IGF2BP3: variants seen among roughly 807,000 people sequenced by gnomAD.
IGF2BP3 encodes insulin-like growth factor 2 mRNA-binding protein 3.
A neutral mutation model predicts 73.8 loss-of-function variants in IGF2BP3; 9 were observed. That is an observed-to-expected ratio of 0.12 (90% CI 0.07 to 0.21). The LOEUF (loss-of-function observed/expected upper bound fraction) is 0.21, where lower values mean the gene tolerates loss of function less well. Among genes scored for constraint, IGF2BP3 ranks in the 10% least tolerant of loss-of-function variants. IGF2BP3 has a pLI of 1.00. For missense variants in IGF2BP3, 542 were observed against 714.0 expected, an observed-to-expected ratio of 0.76 and a Z score of 2.75; for synonymous variants, 258 against 256.7, an observed-to-expected ratio of 1.01 and a Z score of -0.05.
chr7:23,366,454 A>C (rs1434658239), intron 3 of IGF2BP3, among the ~76,000 whole-genome samples: 1 of 151,980 alleles, frequency 6.6e-6, no homozygotes, highest in African/African-American at 2.4e-5. Flanking sequence ...AGTCTTTAGA[A>C]AGATAACTAG....
chr7:23,336,685 C>T (rs973039204), intron 10 of IGF2BP3, among the ~76,000 whole-genome samples: 1 of 152,078 alleles, frequency 6.6e-6, no homozygotes, highest in Non-Finnish European at 1.5e-5. Flanking sequence ...CAGTGGCTCA[C>T]GTCTGTAATC....
intron 3 of IGF2BP3, among the ~76,000 whole-genome samples, chr7:23,375,472 A>G (rs1785689025): frequency 6.6e-6 from 1 of 152,202 alleles, no homozygotes; most frequent in South Asian, 2.1e-4. Context: ...TTTCGCCGCT[A>G]AAACAAAATG....
intron 2 of IGF2BP3, among the ~76,000 whole-genome samples, chr7:23,463,423 G>A (rs1029132545): frequency 6.6e-6 from 1 of 152,134 alleles, no homozygotes; most frequent in Non-Finnish European, 1.5e-5. Flanking sequence ...AAAAACAACA[G>A]AGCTACAGAA....
intron 3 of IGF2BP3, among the ~76,000 whole-genome samples, chr7:23,376,147 G>A (rs957081571): frequency 6.6e-6 from 1 of 152,186 alleles, no homozygotes; most frequent in Non-Finnish European, 1.5e-5. Flanking sequence ...AGGAATCACA[G>A]CTAACAGATG....
At chr7:23,455,009 T>C (rs1019387536) in intron 2 of IGF2BP3, among the ~76,000 whole-genome samples, 1 of 152,168 alleles carries the variant, frequency 6.6e-6, no homozygotes, top group African/African-American at 2.4e-5. Flanking sequence ...GTGAACTCCA[T>C]GAAATGTTTT....
At chr7:23,369,254 C>A (rs1459115163) in intron 3 of IGF2BP3, among the ~76,000 whole-genome samples, 1 of 152,102 alleles carries the variant, frequency 6.6e-6, no homozygotes, top group Non-Finnish European at 1.5e-5. Flanking sequence ...CGAGACAGGA[C>A]CAAATTAAGA....
At chr7:23,430,578 A>C (rs1562749374) in intron 2 of IGF2BP3, among the ~76,000 whole-genome samples, 2 of 152,200 alleles carry the variant, frequency 1.3e-5, no homozygotes, top group Non-Finnish European at 2.9e-5. Context: ...AGCCTGGCTA[A>C]TTTCAATATG....
chr7:23,369,906 C>T (rs1785493791), intron 3 of IGF2BP3, among the ~76,000 whole-genome samples: 1 of 152,164 alleles, frequency 6.6e-6, no homozygotes, highest in Non-Finnish European at 1.5e-5. Context: ...TGCATACCCA[C>T]TGCTCAAGTC....
At chr7:23,442,699 G>GT (rs71552231) in intron 2 of IGF2BP3, among the ~76,000 whole-genome samples, 17 of 151,898 alleles carry the variant, frequency 1.1e-4, no homozygotes, top group Non-Finnish European at 1.9e-4. Flanking sequence ...AGCCCAGTCT[G>GT]TTTTTTTCAT....
At chr7:23,321,413 G>C (rs1562669721) in intron 10 of IGF2BP3, among the ~76,000 whole-genome samples, 1 of 152,230 alleles carries the variant, frequency 6.6e-6, no homozygotes, top group Non-Finnish European at 1.5e-5. Context: ...ACCTGGCTCG[G>C]AGGGTCGTAC....
At chr7:23,317,573 C>T (rs374815725) in intron 12 of IGF2BP3, 66 bp downstream of exon 12, 30 of 1,190,160 alleles carry the variant, frequency 2.5e-5, no homozygotes, top group East Asian at 1.6e-4. Context: ...TTAAGGGAGA[C>T]GCCAGGTTAT....
At chr7:23,338,511 A>C (rs891634762) in intron 10 of IGF2BP3, among the ~76,000 whole-genome samples, 3 of 152,166 alleles carry the variant, frequency 2.0e-5, no homozygotes, top group Non-Finnish European at 2.9e-5. Flanking sequence ...AGTTCCTGAC[A>C]ATAAACGGGT....
rs1397361242 is a variant in IGF2BP3 at position 23,394,213 on chromosome 7, C to T, written c.285+24563G>A. 1.3e-5 allele frequency among the ~76,000 whole-genome samples: 2 copies of T among 152,156 alleles called. 1 individual carries two copies. Among genetic ancestry groups the T allele is most frequent in the Admixed American group, 1.3e-4 (2 of 15,278 alleles). On this transcript the variant is annotated intron_variant, in intron 3 of 14. Coordinates refer to ENST00000258729, the MANE Select transcript of IGF2BP3 (RefSeq NM_006547.3). ...ATTTATAATCAGCAAGACTTTTTAA[C>T]ACATCTACTTTGGCAGGCCAGGGCA...
intron 2 of IGF2BP3, among the ~76,000 whole-genome samples, chr7:23,445,133 C>T (rs1215090018): frequency 2.0e-5 from 3 of 152,162 alleles, no homozygotes; most frequent in Non-Finnish European, 4.4e-5. Flanking sequence ...AGCATACATT[C>T]ACAGATGCTC....
chr7:23,323,488 A>C (rs890496861), intron 10 of IGF2BP3, among the ~76,000 whole-genome samples: 1 of 146,190 alleles, frequency 6.8e-6, no homozygotes, highest in African/African-American at 2.6e-5. Flanking sequence ...TTAACACCCC[A>C]CTGTCAACAT....
rs150829390 is a variant in IGF2BP3 at position 23,335,142 on chromosome 7, G to A, written c.1203+6922C>T. On this transcript the variant is annotated intron_variant, in intron 10 of 14. Coordinates refer to ENST00000258729, the MANE Select transcript of IGF2BP3 (RefSeq NM_006547.3). ...ATAACTAGATAACCAAGGCTTCTCA[G>A]AGATAATAAATGTGCACAGTGAGTT... Among the ~76,000 whole-genome samples the A allele has an allele frequency of 7.8e-5, 11 of 141,474 alleles. No homozygotes were observed. In the East Asian group the frequency reaches 2.3e-3, roughly 29 times the overall value. 92.8% of individuals were successfully genotyped at this position (141,474 alleles called of 152,430 possible).
At chr7:23,332,819 C>T (rs141389336) in intron 10 of IGF2BP3, among the ~76,000 whole-genome samples, 1 of 152,266 alleles carries the variant, frequency 6.6e-6, no homozygotes, top group Non-Finnish European at 1.5e-5. Flanking sequence ...ATTACTTCAT[C>T]ATTCTGGTCC....
At chr7:23,325,246 A>G (rs1295692347) in intron 10 of IGF2BP3, among the ~76,000 whole-genome samples, 2 of 152,254 alleles carry the variant, frequency 1.3e-5, no homozygotes, top group Non-Finnish European at 2.9e-5. Context: ...AAATCAATGT[A>G]CAAAAATCAC....
intron 3 of IGF2BP3, among the ~76,000 whole-genome samples, chr7:23,364,056 T>G (rs894715537): frequency 6.6e-6 from 1 of 151,832 alleles, no homozygotes; most frequent in Non-Finnish European, 1.5e-5. Flanking sequence ...CTGGCCAACA[T>G]GGCAAAACCT....
Sources: allele counts gnomAD v4.1 joint callset (sites outside exome capture counted in the v4.1 genomes callset), GRCh38; gene constraint gnomAD v4.1.1; transcripts MANE v1.5; gene names NCBI Gene and HGNC (gene_info 2026-07-23, HGNC 2026-07-21).